The following CNOT10 variants were observed in gnomAD, a reference collection of about 807,000 sequenced individuals.
CNOT10 encodes the protein CCR4-NOT transcription complex subunit 10, also known as CCR4-NOT transcription complex, subunit 10.
A neutral mutation model predicts 94.6 loss-of-function variants in CNOT10; 30 were observed. The observed-to-expected ratio is 0.32, with a 90% confidence interval of 0.24 to 0.43. The LOEUF is 0.43. Among genes scored for constraint, CNOT10 ranks in the 20% least tolerant of loss-of-function variants. The probability of loss-of-function intolerance (pLI) is 1.00; values close to 1 mark genes in which losing one functional copy is unlikely to be tolerated. For missense variants in CNOT10, 759 were observed against 877.2 expected, an observed-to-expected ratio of 0.87 and a Z score of 1.70; for synonymous variants, 289 against 301.6, an observed-to-expected ratio of 0.96 and a Z score of 0.43.
rs1473155271 is a variant in CNOT10, at chr3:32,727,683, G to A, written c.1028G>A (p.Gly343Glu). The change falls in exon 10 of 19, where the codon GGA becomes GAA. Residue 343 changes from glycine (G) to glutamate (E), a missense_variant. Gly to Glu is a moderately conservative substitution (Grantham distance 98). Around this residue, in one of 3 missense-constraint regions of CNOT10, gnomAD observed 682 missense variants for 799.4 expected, o/e 0.85. Coordinates refer to ENST00000328834, the MANE Select transcript of CNOT10 (RefSeq NM_015442.3). Reference protein sequence around the residue: ...GSTDPGKKFSGRPMCTLLTNK... With the variant: ...GSTDPGKKFSERPMCTLLTNK... ...TTATCACTAGGTAAAAAATTTTCAG[G>A]AAGACCCATGTGTACGTTACTAACC... 1.9e-6 allele frequency: 3 copies of A among 1,612,006 alleles called. No individual in the cohort carries two copies. Among genetic ancestry groups the A allele is most frequent in the African/African-American group, 2.7e-5 (2 of 74,810 alleles).
intron 17 of CNOT10, among the ~76,000 whole-genome samples, chr3:32,768,708 G>A (rs562443117): frequency 3.5e-4 from 53 of 152,298 alleles, no homozygotes; most frequent in Non-Finnish European, 6.5e-4. Flanking sequence ...GTGTTGTGGC[G>A]AGAGGAATAA....
At chr3:32,760,524 C>G (rs917608729) in intron 14 of CNOT10, among the ~76,000 whole-genome samples, 1 of 151,962 alleles carries the variant, frequency 6.6e-6, no homozygotes, top group Non-Finnish European at 1.5e-5. Flanking sequence ...TCCAGCTACT[C>G]GGGAAGTTGA....
chr3:32,743,475 C>CA (rs949744884), intron 13 of CNOT10, among the ~76,000 whole-genome samples: 4 of 151,058 alleles, frequency 2.6e-5, no homozygotes, highest in Admixed American at 6.6e-5. Flanking sequence ...ACTAAAAATA[C>CA]AAAAAAAAAT....
At chr3:32,702,419 A>G (rs1009206480) in intron 1 of CNOT10, among the ~76,000 whole-genome samples, 12 of 152,236 alleles carry the variant, frequency 7.9e-5, no homozygotes, top group Admixed American at 7.9e-4. Context: ...AACATCTAAT[A>G]TTTAAAATAG....
chr3:32,709,164 A>T (rs1298487001), intron 4 of CNOT10, among the ~76,000 whole-genome samples: 3 of 152,216 alleles, frequency 2.0e-5, no homozygotes, highest in Non-Finnish European at 2.9e-5. Flanking sequence ...GTTAGGGGAC[A>T]GTGAGGTATT....
At chr3:32,748,422 T>A (rs113340066) in intron 13 of CNOT10, among the ~76,000 whole-genome samples, 2,979 of 152,320 alleles carry the variant, frequency 0.02, 49 homozygotes, top group East Asian at 0.047. Context: ...TAGATGTGAA[T>A]GTTTGCTGCA....
intron 4 of CNOT10, among the ~76,000 whole-genome samples, chr3:32,712,057 T>C (rs1171086875): frequency 6.6e-6 from 1 of 152,224 alleles, no homozygotes; most frequent in Non-Finnish European, 1.5e-5. Context: ...CCTCTCTTCA[T>C]TGGGTTCTTT....
rs1312731849 is a variant in CNOT10 at position 32,772,189 on chromosome 3, A to G, written c.2081-1268A>G. ...CATGGTGAAACCCTGTCTCTACTAA[A>G]AATACACAAAATTAGCTGGGCGTGT... On this transcript the variant is annotated intron_variant, in intron 18 of 18. Coordinates refer to ENST00000328834, the MANE Select transcript of CNOT10 (RefSeq NM_015442.3). Among the ~76,000 whole-genome samples, 5 of 152,176 alleles carry G rather than the reference A, an allele frequency of 3.3e-5. No homozygotes were observed. In the South Asian group the frequency reaches 6.2e-4, roughly 19 times the overall value.
intron 17 of CNOT10, among the ~76,000 whole-genome samples, chr3:32,768,418 C>T (rs1468016850): frequency 1.3e-5 from 2 of 152,038 alleles, no homozygotes; most frequent in East Asian, 3.9e-4. Flanking sequence ...CCCGTCTATA[C>T]TAAAAATACA....
intron 13 of CNOT10, among the ~76,000 whole-genome samples, chr3:32,747,323 A>G (rs1699743414): frequency 6.6e-6 from 1 of 152,092 alleles, no homozygotes; most frequent in Non-Finnish European, 1.5e-5. Flanking sequence ...AGGCTGAAGC[A>G]GGAGAATCGC....
intron 18 of CNOT10, among the ~76,000 whole-genome samples, chr3:32,772,494 C>G (rs566420376): frequency 2.0e-5 from 3 of 152,064 alleles, no homozygotes; most frequent in African/African-American, 7.2e-5. Flanking sequence ...TGCACTCCAG[C>G]CTGGGCAATA....
At chr3:32,750,255 G>GA (rs770037956) in intron 13 of CNOT10, among the ~76,000 whole-genome samples, 7 of 152,100 alleles carry the variant, frequency 4.6e-5, no homozygotes, top group Non-Finnish European at 1.0e-4. Flanking sequence ...AGCACTGTGG[G>GA]AGGCCAAGGT....
chr3:32,744,052 A>G (rs1023303945), intron 13 of CNOT10, among the ~76,000 whole-genome samples: 3 of 152,162 alleles, frequency 2.0e-5, no homozygotes, highest in Non-Finnish European at 2.9e-5. Flanking sequence ...GACAGTAGCA[A>G]TGGTAATGTG....
intron 13 of CNOT10, among the ~76,000 whole-genome samples, chr3:32,754,139 T>C (rs1398336772): frequency 6.6e-6 from 1 of 151,816 alleles, no homozygotes. Context: ...TAACATTTTT[T>C]GGATTATTGT....
chr3:32,686,048 A>G (rs1257639836), intron 1 of CNOT10, among the ~76,000 whole-genome samples: 1 of 152,004 alleles, frequency 6.6e-6, no homozygotes, highest in African/African-American at 2.4e-5. Context: ...AAAGTAAACC[A>G]CTTATTTAAA....
In CNOT10 at chr3:32,704,917, G is replaced by A. The variant is rs1230116156; in HGVS notation, c.224G>A (p.Ser75Asn). 1 of 1,564,536 alleles carries A rather than the reference G, an allele frequency of 6.4e-7. No homozygotes were observed. Among genetic ancestry groups the A allele is most frequent in the African/African-American group, 1.4e-5 (1 of 71,192 alleles). The part of the protein sequence containing the change: ...LNTAVAEFFK[S>N]NQTTTDNLRQ... Reference sequence around the variant, plus strand: ...ACAGCAGTAGCTGAGTTTTTTAAAAGTAACCAAACAACAACAGATAATTTG... The same window carrying A: ...ACAGCAGTAGCTGAGTTTTTTAAAAATAACCAAACAACAACAGATAATTTG... The change falls in exon 3 of 19, where the codon AGT becomes AAT. Residue 75 changes from serine to asparagine, a missense_variant. By Grantham distance (46) the Ser-to-Asn change is conservative. This residue lies in a region of CNOT10 where 682 missense variants were observed against 799.4 expected (regional missense o/e 0.85). Transcript: ENST00000328834.
At chr3:32,689,896 A>G (rs911339500) in intron 1 of CNOT10, among the ~76,000 whole-genome samples, 1 of 152,216 alleles carries the variant, frequency 6.6e-6, no homozygotes, top group Non-Finnish European at 1.5e-5. Context: ...TGAAGGTTGC[A>G]GTGAGCTATA....
chr3:32,703,884 A>T lies in CNOT10; in HGVS notation c.39A>T (p.Lys13Asn). The change falls in exon 2 of 19, where the codon AAA becomes AAT. Residue 13 changes from lysine to asparagine, a missense_variant. Coordinates refer to ENST00000328834, the MANE Select transcript of CNOT10 (RefSeq NM_015442.3). ...TGTTTGCAGATCAGGGAGCAGAGAA[A>T]CATGAAGGCACAGGTCAGTCCTCTG... is the stretch of plus-strand genomic sequence containing the variant. ...ADKPADQGAEKHEGTGQSSGI... is the reference protein window; with the variant it reads ...ADKPADQGAENHEGTGQSSGI... 6.2e-7 allele frequency: 1 copy of T among 1,613,438 alleles called. No homozygotes were observed. The highest frequency in any genetic ancestry group is 8.5e-7 in the Non-Finnish European group (1 of 1,179,452).
rs568655438 is a variant in CNOT10, at chr3:32,761,072, T to G, written c.1709+1501T>G. Among the ~76,000 whole-genome samples, 81 of 152,240 alleles carry G rather than the reference T, an allele frequency of 5.3e-4. No homozygotes were observed. The South Asian group carries it at 0.017, about 31-fold the overall frequency. On this transcript the variant is annotated intron_variant, in intron 14 of 18. Coordinates refer to ENST00000328834, the MANE Select transcript of CNOT10 (RefSeq NM_015442.3). The stretch of plus-strand genomic sequence containing the variant: ...TGAGCCTGGGAGGCAGAAGCTGCAG[T>G]GAGCCAAGATTGTACCACTGCATTC...
Sources: allele counts gnomAD v4.1 joint callset (sites outside exome capture counted in the v4.1 genomes callset), GRCh38; gene constraint gnomAD v4.1.1; regional missense constraint gnomAD v4.1.1; transcripts MANE v1.5; gene names NCBI Gene and HGNC (gene_info 2026-07-23, HGNC 2026-07-21).